GRIN3A: variants seen among roughly 807,000 people sequenced by gnomAD.
The protein encoded by GRIN3A is glutamate receptor ionotropic, NMDA 3A.
In GRIN3A, 47 loss-of-function variants were observed where a neutral mutation model predicts 92.4. The ratio of observed to expected loss-of-function variants is 0.51; its 90% CI spans 0.40 to 0.65. The LOEUF (loss-of-function observed/expected upper bound fraction) is 0.65. Among genes scored for constraint, GRIN3A ranks in the 30% least tolerant of loss-of-function variants. GRIN3A has a pLI of 0.00. For missense variants in GRIN3A, 1,324 were observed against 1,393.1 expected (o/e 0.95, Z 0.79); for synonymous variants, 527 against 540.6 (o/e 0.97, Z 0.35).
intron 3 of GRIN3A, among the ~76,000 whole-genome samples, chr9:101,656,732 T>C (rs1829093176): frequency 6.6e-6 from 1 of 151,880 alleles, no homozygotes; most frequent in African/African-American, 2.4e-5. Flanking sequence ...GATCCAGATA[T>C]AGCATCTTAA....
chr9:101,650,292 C>G (rs886394885), intron 3 of GRIN3A, among the ~76,000 whole-genome samples: 1 of 152,034 alleles, frequency 6.6e-6, no homozygotes, highest in East Asian at 1.9e-4. Flanking sequence ...TGTCATGTCA[C>G]TATTAGGCTC....
intron 3 of GRIN3A, among the ~76,000 whole-genome samples, chr9:101,635,367 G>A (rs751060980): frequency 5.9e-5 from 9 of 152,126 alleles, no homozygotes; most frequent in Non-Finnish European, 1.0e-4. Flanking sequence ...GGCTGTTTTT[G>A]CACTACAACA....
At chr9:101,737,103 ACTT>A (rs1830217256) in intron 1 of GRIN3A, among the ~76,000 whole-genome samples, 175 bp downstream of exon 1, 1 of 151,994 alleles carries the variant, frequency 6.6e-6, no homozygotes, top group Non-Finnish European at 1.5e-5. Flanking sequence ...ATTTTATTCT[ACTT>A]CTACTAAGCT....
intron 2 of GRIN3A, among the ~76,000 whole-genome samples, chr9:101,679,028 C>A (rs1829435360): frequency 6.6e-6 from 1 of 152,186 alleles, no homozygotes; most frequent in Non-Finnish European, 1.5e-5. Flanking sequence ...TCAATTCATT[C>A]TGGCTCTTTG....
chr9:101,735,953 CTAAGATTAA>C (rs1444360573), intron 1 of GRIN3A, among the ~76,000 whole-genome samples: 1 of 152,128 alleles, frequency 6.6e-6, no homozygotes, highest in African/African-American at 2.4e-5. Flanking sequence ...CTCAACCTTC[CTAAGATTAA>C]AAATGTAAGA....
chr9:101,577,305 C>T (rs945017284), intron 8 of GRIN3A, among the ~76,000 whole-genome samples: 10 of 152,018 alleles, frequency 6.6e-5, no homozygotes, highest in Non-Finnish European at 1.2e-4. Context: ...TAATTGCCTG[C>T]GGTATTCATT....
intron 4 of GRIN3A, among the ~76,000 whole-genome samples, chr9:101,625,894 G>A (rs1828628679): frequency 6.6e-6 from 1 of 152,204 alleles, no homozygotes; most frequent in Admixed American, 6.5e-5. Flanking sequence ...TAAAAAAGAT[G>A]AGGTTCATTT....
intron 3 of GRIN3A, among the ~76,000 whole-genome samples, chr9:101,631,608 T>G (rs1419317797): frequency 6.6e-6 from 1 of 152,166 alleles, no homozygotes; most frequent in East Asian, 1.9e-4. Flanking sequence ...GGCTCAGAAT[T>G]CTGCTGGAGG....
At chr9:101,587,141 C>T (rs917770574) in intron 6 of GRIN3A, among the ~76,000 whole-genome samples, 58 of 152,198 alleles carry the variant, frequency 3.8e-4, no homozygotes, top group Admixed American at 3.3e-4. Context: ...GAAACCCTGT[C>T]TCTACTAAAA....
chr9:101,701,206 C>CTTT (rs1829747757), intron 1 of GRIN3A, among the ~76,000 whole-genome samples: 1 of 152,142 alleles, frequency 6.6e-6, no homozygotes. Flanking sequence ...TGCCTGGTAA[C>CTTT]TTTCTTTCTT....
intron 3 of GRIN3A, among the ~76,000 whole-genome samples, chr9:101,633,421 T>A (rs1435732538): frequency 1.3e-5 from 2 of 152,124 alleles, no homozygotes; most frequent in Non-Finnish European, 2.9e-5. Context: ...TATCAAGTGG[T>A]CTCAGGGATG....
chr9:101,594,271 G>A, intron 6 of GRIN3A: 2 of 1,099,600 alleles, frequency 1.8e-6, no homozygotes, highest in Non-Finnish European at 2.6e-6. Context: ...TGGTGATGAA[G>A]CTCCTGTTAG....
In GRIN3A at chr9:101,573,383, G is replaced by T; in HGVS notation, c.3139C>A (p.Pro1047Thr). 1 of 1,614,054 alleles carries T rather than the reference G, an allele frequency of 6.2e-7. No homozygotes were observed. The highest frequency in any genetic ancestry group is 1.1e-5 in the South Asian group (1 of 91,064). Residue 1047 changes from proline (P) to threonine (T), a missense_variant, in exon 9 of 9, where the codon CCC becomes ACC. By Grantham distance (38) the Pro-to-Thr change is conservative (BLOSUM62 -1). Transcript: ENST00000361820. Reference sequence around the variant, plus strand: ...AGCTCTCTTCTCCTTGGAGGGAGGGGGATGTCCTGGTGGATCCGGATGCCC... The same window carrying T: ...AGCTCTCTTCTCCTTGGAGGGAGGGTGATGTCCTGGTGGATCCGGATGCCC... ...QLGIRIHQDI[P>T]LPPRRRELPA... is the part of the protein sequence containing the mutation.
At chr9:101,630,442 A>G (rs571642558) in intron 3 of GRIN3A, among the ~76,000 whole-genome samples, 52 of 152,210 alleles carry the variant, frequency 3.4e-4, no homozygotes, top group Non-Finnish European at 7.1e-4. Flanking sequence ...ATCTCCTTTG[A>G]TCCTACCAAG....
chr9:101,621,272 G>T (rs1202920436), intron 5 of GRIN3A, among the ~76,000 whole-genome samples: 1 of 139,412 alleles, frequency 7.2e-6, no homozygotes, highest in Non-Finnish European at 1.5e-5. Context: ...ATGATAGAGT[G>T]AGACTCAGTC....
chr9:101,611,972 G>A (rs1034393341), intron 6 of GRIN3A, among the ~76,000 whole-genome samples: 5 of 152,200 alleles, frequency 3.3e-5, no homozygotes, highest in Non-Finnish European at 7.3e-5. Context: ...GAAGCCAAGA[G>A]GAAAGTGGCT....
intron 3 of GRIN3A, among the ~76,000 whole-genome samples, chr9:101,651,370 C>T (rs187658400): frequency 6.5e-4 from 98 of 151,924 alleles, no homozygotes; most frequent in South Asian, 1.2e-3. Flanking sequence ...AAGGAAGGAA[C>T]GGAAAAATGA....
At chr9:101,629,426 T>C (rs1036493159) in intron 3 of GRIN3A, among the ~76,000 whole-genome samples, 1 of 152,200 alleles carries the variant, frequency 6.6e-6, no homozygotes, top group African/African-American at 2.4e-5. Flanking sequence ...AAATCGTTCA[T>C]TTATTCAACA....
intron 3 of GRIN3A, among the ~76,000 whole-genome samples, chr9:101,635,482 T>A (rs936873990): frequency 4.6e-5 from 7 of 152,242 alleles, no homozygotes; most frequent in African/African-American, 1.7e-4. Context: ...TATAGACAAT[T>A]TGAATCTAAC....
Sources: allele counts gnomAD v4.1 joint callset (sites outside exome capture counted in the v4.1 genomes callset), GRCh38; gene constraint gnomAD v4.1.1; transcripts MANE v1.5; gene names NCBI Gene and HGNC (gene_info 2026-07-23, HGNC 2026-07-21).